PDS5B: variants seen among roughly 807,000 people sequenced by gnomAD.
PDS5B encodes sister chromatid cohesion protein PDS5 homolog B.
PDS5B carries 51 observed loss-of-function variants against 184.1 expected under a neutral mutation model. The ratio of observed to expected loss-of-function variants is 0.28; its 90% confidence interval spans 0.22 to 0.35. The LOEUF is 0.35. Among genes scored for constraint, PDS5B ranks in the 10% least tolerant of loss-of-function variants. PDS5B has a pLI of 1.00. For missense variants in PDS5B, 1,180 were observed against 1,723.3 expected, an observed-to-expected ratio of 0.68 and a Z score of 5.58; for synonymous variants, 566 against 569.2, an observed-to-expected ratio of 0.99 and a Z score of 0.08.
chr13:32,766,316 G>C (rs1032218720), intron 31 of PDS5B, among the ~76,000 whole-genome samples: 3 of 152,146 alleles, frequency 2.0e-5, no homozygotes, highest in African/African-American at 7.2e-5. Context: ...TATAAATTTT[G>C]CATCTGCTTT....
At position 32,741,159 on chromosome 13, in the gene PDS5B, TG is replaced by T. The variant is rs1351249834; in HGVS notation, c.2475+12del. The T allele has an allele frequency of 7.3e-7, 1 of 1,363,882 alleles. No individual in the cohort carries two copies. Among genetic ancestry groups the T allele is most frequent in the Admixed American group, 1.9e-5 (1 of 52,284 alleles). The allele number at this position is 1,363,882 out of a possible 1,614,324, so 84.5% of individuals were successfully genotyped here. A position where few individuals can be genotyped will look rare whatever the true frequency, so the allele number is the denominator to read the frequency against. ...GAGACAATGGTCAAAGTGAGTAATG[TG>T]CATAGATCTATTGATTTTAATATAA... On this transcript the variant is annotated intron_variant, in intron 22 of 34. Transcript: ENST00000315596.
At chr13:32,735,422 C>A in intron 21 of PDS5B, 92 bp downstream of exon 21, 1 of 855,288 alleles carries the variant, frequency 1.2e-6, no homozygotes, top group Non-Finnish European at 1.7e-6. Context: ...ATCAATAATA[C>A]TTCCATTTGA....
chr13:32,698,052 T>C (rs78442970), intron 15 of PDS5B, among the ~76,000 whole-genome samples: 6 of 149,320 alleles, frequency 4.0e-5, no homozygotes, highest in South Asian at 2.1e-4. Context: ...CTAAGTTCTT[T>C]TTTTTTTTTC....
intron 1 of PDS5B, among the ~76,000 whole-genome samples, chr13:32,630,467 A>G (rs1486013167): frequency 6.6e-6 from 1 of 152,170 alleles, no homozygotes; most frequent in African/African-American, 2.4e-5. Context: ...GCACAGGTGC[A>G]CCCTGACCTC....
At chr13:32,622,387 T>A (rs1175934279) in intron 1 of PDS5B, among the ~76,000 whole-genome samples, 1 of 152,154 alleles carries the variant, frequency 6.6e-6, no homozygotes, top group Non-Finnish European at 1.5e-5. Context: ...TTGATTACAT[T>A]TTAGTCAGGA....
chr13:32,609,667 T>G (rs570733572), intron 1 of PDS5B, among the ~76,000 whole-genome samples: 2 of 152,362 alleles, frequency 1.3e-5, no homozygotes, highest in South Asian at 4.1e-4. Context: ...ACATACTTTT[T>G]CTTAGCCCCC....
At chr13:32,749,841 G>A (rs1953910619) in intron 24 of PDS5B, among the ~76,000 whole-genome samples, 1 of 151,332 alleles carries the variant, frequency 6.6e-6, no homozygotes, top group Non-Finnish European at 1.5e-5. Flanking sequence ...GGGGGGGCGG[G>A]GACATTTGTA....
chr13:32,607,950 A>G (rs1409320747), intron 1 of PDS5B, among the ~76,000 whole-genome samples: 1 of 152,204 alleles, frequency 6.6e-6, no homozygotes, highest in Non-Finnish European at 1.5e-5. Context: ...TTTTCCAGGT[A>G]CTGTCTGTCA....
At chr13:32,759,061 T>C (rs1005545034) in intron 28 of PDS5B, among the ~76,000 whole-genome samples, 1 of 151,832 alleles carries the variant, frequency 6.6e-6, no homozygotes, top group Non-Finnish European at 1.5e-5. Flanking sequence ...ACTACAAGAG[T>C]GTTACCAAAC....
chr13:32,665,173 G>T lies in PDS5B; in HGVS notation c.625-2591G>T, dbSNP rs79079778. Among the ~76,000 whole-genome samples the T allele has an allele frequency of 4.3e-3, 655 of 152,266 alleles. 3 individuals carry two copies. The highest frequency in any genetic ancestry group is 7.4e-3 in the Non-Finnish European group (505 of 68,022). ...GAAATTATTTAATGAATGGTTTTAG[G>T]ACAGTTTAGCACTTATATGGAAAAT... On this transcript the variant is annotated intron_variant, in intron 6 of 34. Coordinates refer to ENST00000315596, the MANE Select transcript of PDS5B (RefSeq NM_015032.4).
chr13:32,757,560 GCTTT>G (rs1459390105), intron 26 of PDS5B, among the ~76,000 whole-genome samples: 4 of 152,218 alleles, frequency 2.6e-5, no homozygotes, highest in South Asian at 4.1e-4. Context: ...AGCTACTGAA[GCTTT>G]CTTTTAATTT....
chr13:32,724,540 A>G (rs1212723575), intron 19 of PDS5B, among the ~76,000 whole-genome samples: 2 of 151,954 alleles, frequency 1.3e-5, no homozygotes, highest in Non-Finnish European at 2.9e-5. Flanking sequence ...ATTTTTGCTA[A>G]TTTTATCCCT....
intron 1 of PDS5B, among the ~76,000 whole-genome samples, chr13:32,634,226 T>C (rs950405556): frequency 6.6e-6 from 1 of 152,140 alleles, no homozygotes; most frequent in African/African-American, 2.4e-5. Context: ...AGAAAAAAAA[T>C]GACAACTGCC....
intron 1 of PDS5B, among the ~76,000 whole-genome samples, chr13:32,623,594 A>G (rs949877537): frequency 6.6e-6 from 1 of 152,140 alleles, no homozygotes; most frequent in Non-Finnish European, 1.5e-5. Context: ...GGAGTCAGTT[A>G]TGTTAGATTT....
At chr13:32,750,881 G>GTGTGTGTGTT (rs1299828340) in intron 24 of PDS5B, among the ~76,000 whole-genome samples, 1 of 150,776 alleles carries the variant, frequency 6.6e-6, no homozygotes, top group Admixed American at 6.6e-5. Context: ...GTGTGTGTGT[G>GTGTGTGTGTT]TGTGTGTTTT....
rs1349512563 is a variant in PDS5B at position 32,760,720 on chromosome 13, G to A, written c.3518G>A (p.Arg1173Lys). 6.2e-7 allele frequency: 1 copy of A among 1,611,654 alleles called. No individual in the cohort carries two copies. Among genetic ancestry groups the A allele is most frequent in the Non-Finnish European group, 8.5e-7 (1 of 1,179,036 alleles). Reference sequence around the variant, plus strand: ...AGCTCTCCTGGAAGAATAAAGGGGAGGTAAGTGCAAAAGAAATGCCACAAT... The same window carrying A: ...AGCTCTCCTGGAAGAATAAAGGGGAAGTAAGTGCAAAAGAAATGCCACAAT... ...NPSSPGRIKGRLDSSEMDHSE... is the reference protein window; with the variant it reads ...NPSSPGRIKGKLDSSEMDHSE... The change falls in exon 30 of 35, where the codon AGG becomes AAG. Residue 1173 changes from arginine to lysine, a missense_variant and splice_region_variant. By Grantham distance (26) the Arg-to-Lys change is conservative (BLOSUM62 2). Around this residue, in one of 11 missense-constraint regions of PDS5B, gnomAD observed 465 missense variants for 497.8 expected, o/e 0.93. Coordinates refer to ENST00000315596, the MANE Select transcript of PDS5B (RefSeq NM_015032.4).
At chr13:32,740,592 T>C (rs1218899396) in intron 21 of PDS5B, among the ~76,000 whole-genome samples, 2 of 152,196 alleles carry the variant, frequency 1.3e-5, no homozygotes, top group Non-Finnish European at 2.9e-5. Flanking sequence ...TGGTTACTAC[T>C]GTAAACACCT....
chr13:32,753,464 C>A lies in PDS5B; in HGVS notation c.2869C>A (p.His957Asn). ...AKDPVKERRA[H>N]ARQCLVKNIN... ...AGATCCTGTAAAGGAGAGAAGAGCT[C>A]ATGCTAGGCAATGTTTGGTGAAAAA... Residue 957 changes from histidine to asparagine, a missense_variant, in exon 25 of 35, where the codon CAT (histidine) becomes AAT (asparagine). Around this residue, in one of 11 missense-constraint regions of PDS5B, gnomAD observed 40 missense variants for 107.2 expected, o/e 0.37. Transcript: ENST00000315596. The A allele has an allele frequency of 1.9e-6, 3 of 1,613,834 alleles. No homozygotes were observed. The highest frequency in any genetic ancestry group is 2.5e-6 in the Non-Finnish European group (3 of 1,179,828).
chr13:32,773,526 G>C (rs1279538814), intron 34 of PDS5B, among the ~76,000 whole-genome samples: 1 of 152,142 alleles, frequency 6.6e-6, no homozygotes, highest in Non-Finnish European at 1.5e-5. Context: ...TAATGAGAAT[G>C]TAAATGTCAA....
Sources: allele counts gnomAD v4.1 joint callset (sites outside exome capture counted in the v4.1 genomes callset), GRCh38; gene constraint gnomAD v4.1.1; regional missense constraint gnomAD v4.1.1; transcripts MANE v1.5; gene names NCBI Gene and HGNC (gene_info 2026-07-23, HGNC 2026-07-21).